Variants in DPY19L3 observed in about 807,000 individuals in gnomAD.
DPY19L3 encodes the protein protein C-mannosyl-transferase DPY19L3.
A neutral mutation model predicts 92.3 loss-of-function variants in DPY19L3; 51 were observed. The ratio of observed to expected loss-of-function variants is 0.55; its 90% confidence interval spans 0.44 to 0.70. The LOEUF (loss-of-function observed/expected upper bound fraction) is 0.70, where lower values mean the gene tolerates loss of function less well. DPY19L3 is among the 30% of genes least tolerant of loss of function. The pLI, the probability that DPY19L3 is intolerant of heterozygous loss-of-function variation, is 0.00. For missense variants in DPY19L3, 706 were observed against 855.9 expected, an observed-to-expected ratio of 0.82 and a Z score of 2.18; for synonymous variants, 309 against 315.2, an observed-to-expected ratio of 0.98 and a Z score of 0.21.
At chr19:32,468,918 C>T (rs1335103874) in intron 16 of DPY19L3, 105 bp downstream of exon 16, 27 of 1,101,080 alleles carry the variant, frequency 2.5e-5, no homozygotes, top group Admixed American at 5.9e-5. Context: ...AATCTAATTA[C>T]GAAGAAACAT....
intron 17 of DPY19L3, among the ~76,000 whole-genome samples, chr19:32,479,292 T>A (rs1970602859): frequency 1.3e-5 from 2 of 152,102 alleles, no homozygotes; most frequent in South Asian, 4.1e-4. Context: ...GCTCCCTGGC[T>A]TTCCAGGCAC....
At chr19:32,463,639 C>T (rs1970110124) in intron 13 of DPY19L3, 151 bp downstream of exon 13, 2 of 1,030,044 alleles carry the variant, frequency 1.9e-6, no homozygotes, top group South Asian at 3.3e-5. Context: ...GTATAAAATA[C>T]TCAACATCAG....
chr19:32,461,723 G>T (rs764621153), intron 12 of DPY19L3, among the ~76,000 whole-genome samples: 5 of 152,202 alleles, frequency 3.3e-5, no homozygotes, highest in Non-Finnish European at 5.9e-5. Context: ...AGCATCGTAT[G>T]TGCCCAGTTC....
chr19:32,472,933 A>T (rs1970400207), intron 16 of DPY19L3, among the ~76,000 whole-genome samples: 1 of 152,230 alleles, frequency 6.6e-6, no homozygotes, highest in Non-Finnish European at 1.5e-5. Flanking sequence ...TTTAAATATG[A>T]TGTAGGCTAA....
At chr19:32,446,911 A>G (rs1969517921) in intron 8 of DPY19L3, among the ~76,000 whole-genome samples, 2 of 152,192 alleles carry the variant, frequency 1.3e-5, no homozygotes, top group South Asian at 4.1e-4. Flanking sequence ...CAGAATACTC[A>G]TTCTTTTCAA....
intron 16 of DPY19L3, among the ~76,000 whole-genome samples, chr19:32,474,509 TTA>T (rs1431064556): frequency 1.6e-4 from 24 of 152,256 alleles, no homozygotes; most frequent in Non-Finnish European, 3.2e-4. Flanking sequence ...GCAGTAAGCA[TTA>T]GTAAATACGT....
chr19:32,438,771 A>G lies in DPY19L3; in HGVS notation c.597-341A>G, dbSNP rs556123446. Among the ~76,000 whole-genome samples, 8 of 152,304 alleles carry G rather than the reference A, an allele frequency of 5.3e-5. No individual in the cohort carries two copies. In the South Asian group the frequency reaches 1.7e-3, roughly 32 times the overall value. On this transcript the variant is annotated intron_variant, in intron 6 of 18. Coordinates refer to ENST00000392250, the MANE Select transcript of DPY19L3 (RefSeq NM_001172774.2). ...CCAAAGAAATACAGAGAGAGGGAAA[A>G]TGTGTATTGCCTCTTGACACTAATA...
At chr19:32,447,397 A>G (rs1175321713) in intron 8 of DPY19L3, among the ~76,000 whole-genome samples, 5 of 152,212 alleles carry the variant, frequency 3.3e-5, no homozygotes, top group Non-Finnish European at 5.9e-5. Flanking sequence ...AATGCTATTG[A>G]AAACATGAAT....
intron 17 of DPY19L3, among the ~76,000 whole-genome samples, chr19:32,478,478 T>C (rs1311174329): frequency 1.3e-5 from 2 of 152,204 alleles, no homozygotes; most frequent in Non-Finnish European, 2.9e-5. Flanking sequence ...TAGTTCAAAA[T>C]TCAGAACATA....
chr19:32,463,274 A>G, intron 12 of DPY19L3, 92 bp from the exon 13 acceptor site: 1 of 1,358,412 alleles, frequency 7.4e-7, no homozygotes, highest in Non-Finnish European at 1.0e-6. Flanking sequence ...TGAATACATA[A>G]AGGCATACAT....
intron 8 of DPY19L3, among the ~76,000 whole-genome samples, chr19:32,442,039 C>A (rs1326605615): frequency 6.6e-6 from 1 of 152,188 alleles, no homozygotes; most frequent in African/African-American, 2.4e-5. Context: ...CTGAAAATAA[C>A]TGGCTCTTTC....
chr19:32,477,608 A>G lies in DPY19L3; in HGVS notation c.1784A>G (p.Asn595Ser). The G allele has an allele frequency of 6.2e-7, 1 of 1,614,102 alleles. No homozygotes were observed. Among genetic ancestry groups the G allele is most frequent in the Non-Finnish European group, 8.5e-7 (1 of 1,180,022 alleles). Residue 595 changes from asparagine to serine, a missense_variant, in exon 17 of 19, where the codon AAC becomes AGC. Coordinates refer to ENST00000392250, the MANE Select transcript of DPY19L3 (RefSeq NM_001172774.2). Reference sequence around the variant, plus strand: ...CTGTGCACGGGAAGGACCCTAACCAACCACCCGCACTATGAAGACAGCAGC... The same window carrying G: ...CTGTGCACGGGAAGGACCCTAACCAGCCACCCGCACTATGAAGACAGCAGC... ...VKLCTGRTLT[N>S]HPHYEDSSLR...
chr19:32,467,433 A>G, intron 15 of DPY19L3: 1 of 987,204 alleles, frequency 1.0e-6, no homozygotes, highest in Non-Finnish European at 1.2e-6. Flanking sequence ...CAAAGGCATC[A>G]TTTAATCAGT....
chr19:32,463,892 AC>A lies in DPY19L3; in HGVS notation c.1470del (p.His490GlnfsTer20). ...AGAATGAAGTACCTCTGGACGTCAC[AC>A]ATGTGTGTGTTCGCATCATTCGGCC... ...TMRMKYLWTS[H>X]MCVFASFGLC... On this transcript the variant is annotated frameshift_variant, in exon 14 of 19. Coordinates refer to ENST00000392250, the MANE Select transcript of DPY19L3 (RefSeq NM_001172774.2). LOFTEE classifies it high-confidence loss of function. The A allele has an allele frequency of 6.2e-7, 1 of 1,613,748 alleles. No individual in the cohort carries two copies. The highest frequency in any genetic ancestry group is 8.5e-7 in the Non-Finnish European group (1 of 1,179,718).
intron 12 of DPY19L3, among the ~76,000 whole-genome samples, chr19:32,462,630 A>G (rs1488478900): frequency 6.6e-6 from 1 of 152,202 alleles, no homozygotes; most frequent in South Asian, 2.1e-4. Context: ...GCTTCAGGAC[A>G]TATGTTCTCT....
chr19:32,406,037 G>A (rs1479236194), intron 1 of DPY19L3, 128 bp downstream of exon 1: 2 of 151,086 alleles, frequency 1.3e-5, no homozygotes, highest in African/African-American at 4.8e-5. Context: ...CGCAGTCGGG[G>A]GGCGCGGCCG....
intron 9 of DPY19L3, among the ~76,000 whole-genome samples, chr19:32,454,695 A>C (rs1237793020): frequency 6.6e-6 from 1 of 152,188 alleles, no homozygotes; most frequent in Non-Finnish European, 1.5e-5. Context: ...ATTAGGAAAA[A>C]AAAGACTAGG....
At position 32,458,087 on chromosome 19, in the gene DPY19L3, CT is replaced by C; in HGVS notation, c.1090-10del. The C allele has an allele frequency of 6.2e-7, 1 of 1,604,252 alleles. No homozygotes were observed. Among genetic ancestry groups the C allele is most frequent in the Admixed American group, 1.7e-5 (1 of 57,706 alleles). The stretch of plus-strand genomic sequence containing the variant: ...GGACTAATAGCAATTTTTGTTTTCT[CT>C]TTCCCCGATAGAAAATTCTTAACCT... On this transcript the variant is annotated splice_polypyrimidine_tract_variant and intron_variant, in intron 10 of 18. Coordinates refer to ENST00000392250, the MANE Select transcript of DPY19L3 (RefSeq NM_001172774.2).
At chr19:32,416,267 C>T (rs1014507714) in intron 3 of DPY19L3, among the ~76,000 whole-genome samples, 16 of 152,308 alleles carry the variant, frequency 1.1e-4, no homozygotes, top group Admixed American at 3.3e-4. Flanking sequence ...GAGAGGCTGT[C>T]AGTCCAAGCT....
Sources: allele counts gnomAD v4.1 joint callset (sites outside exome capture counted in the v4.1 genomes callset), GRCh38; gene constraint gnomAD v4.1.1; transcripts MANE v1.5; gene names NCBI Gene and HGNC (gene_info 2026-07-23, HGNC 2026-07-21).